The following GINS3 variants were observed in gnomAD, a reference collection of about 807,000 sequenced individuals.
The protein encoded by GINS3 is DNA replication complex GINS protein PSF3.
A neutral mutation model predicts 20.0 loss-of-function variants in GINS3; 18 were observed. The ratio of observed to expected loss-of-function variants is 0.90; its 90% CI spans 0.62 to 1.33. The LOEUF (loss-of-function observed/expected upper bound fraction) is 1.33, where lower values mean the gene tolerates loss of function less well. Among genes scored for constraint, GINS3 ranks in the 40% most tolerant of loss-of-function variants. GINS3 has a pLI of 0.00. For missense variants in GINS3, 254 were observed against 273.6 expected, an observed-to-expected ratio of 0.93 and a Z score of 0.51; for synonymous variants, 109 against 107.0, an observed-to-expected ratio of 1.02 and a Z score of -0.12.
At chr16:58,401,524 T>C (rs909667175) in intron 1 of GINS3, among the ~76,000 whole-genome samples, 9 of 152,194 alleles carry the variant, frequency 5.9e-5, no homozygotes, top group African/African-American at 1.7e-4. Context: ...TACAGAGTGC[T>C]GATTGGTCCG....
intron 1 of GINS3, among the ~76,000 whole-genome samples, chr16:58,400,397 C>G (rs1042336624): frequency 1.3e-5 from 2 of 152,150 alleles, no homozygotes; most frequent in Non-Finnish European, 2.9e-5. Context: ...GACTCAGTCC[C>G]CAGGGTTTTA....
At chr16:58,400,248 A>G (rs774302607) in intron 1 of GINS3, among the ~76,000 whole-genome samples, 121 of 152,370 alleles carry the variant, frequency 7.9e-4, no homozygotes, top group Middle Eastern at 3.4e-3. Context: ...GGTTGCATGG[A>G]GTAAAGTCTG....
chr16:58,399,421 T>A (rs1965926349), intron 1 of GINS3, among the ~76,000 whole-genome samples: 2 of 152,242 alleles, frequency 1.3e-5, no homozygotes, highest in Admixed American at 1.3e-4. Context: ...CCTTTTATTA[T>A]TGTCACGTCT....
At chr16:58,393,235 T>C (rs1965807389) in intron 1 of GINS3, among the ~76,000 whole-genome samples, 1 of 152,152 alleles carries the variant, frequency 6.6e-6, no homozygotes, top group Admixed American at 6.5e-5. Flanking sequence ...TCCTCCATAA[T>C]GATGACAGGA....
At position 58,404,820 on chromosome 16, in the gene GINS3, C is replaced by T; in HGVS notation, c.*91C>T. 2 of 879,046 alleles carry T rather than the reference C, an allele frequency of 2.3e-6. No individual in the cohort carries two copies. Among genetic ancestry groups the T allele is most frequent in the South Asian group, 3.2e-5 (2 of 62,812 alleles). The allele number at this position is 879,046 out of a possible 1,614,324, so 54.5% of individuals were successfully genotyped here. On this transcript the variant is annotated 3_prime_UTR_variant, in exon 3 of 3. Coordinates refer to ENST00000318129, the MANE Select transcript of GINS3 (RefSeq NM_022770.4). ...GTTGACCTTGTACAGAACCAGAATC[C>T]TGTCCCATTTCATGGCTTATTTCCT...
At chr16:58,402,398 A>C (rs1397397986) in intron 1 of GINS3, among the ~76,000 whole-genome samples, 3 of 152,150 alleles carry the variant, frequency 2.0e-5, no homozygotes, top group Non-Finnish European at 4.4e-5. Context: ...AGTCCTGTGC[A>C]GTTTGCCAAA....
intron 1 of GINS3, among the ~76,000 whole-genome samples, chr16:58,400,133 A>G (rs775412675): frequency 3.9e-5 from 6 of 152,236 alleles, no homozygotes; most frequent in African/African-American, 7.2e-5. Context: ...ACCAACCCAG[A>G]TTTGATGATT....
rs114925045 is a variant in GINS3 at position 58,405,119 on chromosome 16, T to C, written c.*390T>C. 696 of 209,196 alleles carry C rather than the reference T, an allele frequency of 3.3e-3. 1 individual carries two copies. The highest frequency in any genetic ancestry group is 0.015 in the African/African-American group (651 of 43,442). The allele number at this position is 209,196 out of a possible 1,614,324, so 13.0% of individuals were successfully genotyped here. On this transcript the variant is annotated 3_prime_UTR_variant, in exon 3 of 3. Coordinates refer to ENST00000318129, the MANE Select transcript of GINS3 (RefSeq NM_022770.4). ...CTAGCCACAAAGCACAGGTACAAAC[T>C]GGGTCATCGCCTGTTCACAAAATGC...
intron 1 of GINS3, among the ~76,000 whole-genome samples, chr16:58,393,200 A>G (rs1468119560): frequency 6.6e-6 from 1 of 152,242 alleles, no homozygotes; most frequent in Non-Finnish European, 1.5e-5. Flanking sequence ...TGTGATAAGT[A>G]GGAACCCCAA....
chr16:58,394,773 C>T (rs1364674378), intron 1 of GINS3, among the ~76,000 whole-genome samples: 1 of 152,148 alleles, frequency 6.6e-6, no homozygotes, highest in East Asian at 1.9e-4. Context: ...ATCAACAGGA[C>T]TTTGTACTGT....
At chr16:58,397,460 G>T (rs1596957791) in intron 1 of GINS3, among the ~76,000 whole-genome samples, 2 of 151,684 alleles carry the variant, frequency 1.3e-5, no homozygotes, top group Admixed American at 1.3e-4. Context: ...GCAGGCAGCT[G>T]GGAGGTGGAG....
chr16:58,403,640 T>G, intron 2 of GINS3: 1 of 336,944 alleles, frequency 3.0e-6, no homozygotes, highest in South Asian at 3.2e-5. Context: ...CTCACACCTG[T>G]AATCCCAGCA....
chr16:58,402,873 T>A (rs1044057750), intron 1 of GINS3: 4 of 564,992 alleles, frequency 7.1e-6, no homozygotes, highest in African/African-American at 5.6e-5. Context: ...TTGTTCACCA[T>A]GTTTTTGTTG....
Position 58,392,802 on chromosome 16 carries a change from G to A in GINS3, c.186+15G>A. ...CGGTCCCACAGGTGAGCCTTTGGGT[G>A]CGGGGTCCTGCCCGGAAAGACTGCA... On this transcript the variant is annotated intron_variant, in intron 1 of 2. Transcript: ENST00000318129. 1 of 1,577,928 alleles carries A rather than the reference G, an allele frequency of 6.3e-7. No homozygotes were observed. Among genetic ancestry groups the A allele is most frequent in the South Asian group, 1.1e-5 (1 of 88,192 alleles).
chr16:58,396,785 G>A (rs113330385), intron 1 of GINS3, among the ~76,000 whole-genome samples: 109 of 111,960 alleles, frequency 9.7e-4, no homozygotes, highest in South Asian at 9.1e-4. Context: ...CCTCCTTCCC[G>A]GACAGGGCGG....
intron 1 of GINS3, among the ~76,000 whole-genome samples, chr16:58,397,542 C>T (rs563302918): frequency 5.9e-5 from 9 of 152,292 alleles, no homozygotes; most frequent in Admixed American, 4.6e-4. Context: ...AACGTGACTC[C>T]GTCTGCCATC....
chr16:58,405,068 T>A lies in GINS3; in HGVS notation c.*339T>A, dbSNP rs1966011778. ...CTGAGATTCCTTGTGTCTGGGAGTT[T>A]GGACAGCTTCAGATGTACAGTTTCA... On this transcript the variant is annotated 3_prime_UTR_variant, in exon 3 of 3. Coordinates refer to ENST00000318129, the MANE Select transcript of GINS3 (RefSeq NM_022770.4). 6 of 256,022 alleles carry A rather than the reference T, an allele frequency of 2.3e-5. 1 individual carries two copies. The South Asian group carries it at 3.4e-4, about 14-fold the overall frequency. The allele number at this position is 256,022 out of a possible 1,614,324, so 15.9% of individuals were successfully genotyped here. A position where few individuals can be genotyped will look rare whatever the true frequency, so the allele number is the denominator to read the frequency against.
Position 58,404,879 on chromosome 16 carries a change from C to T in GINS3, c.*150C>T. The T allele has an allele frequency of 1.6e-6, 1 of 643,452 alleles. No individual in the cohort carries two copies. The highest frequency in any genetic ancestry group is 2.7e-6 in the Non-Finnish European group (1 of 372,168). The allele number at this position is 643,452 out of a possible 1,614,324, so 39.9% of individuals were successfully genotyped here. ...AGAGAATTATAGGGAACTGGACATG[C>T]TGGAGGATGTGGGTGTCCCTGGCTC... On this transcript the variant is annotated 3_prime_UTR_variant, in exon 3 of 3. Transcript: ENST00000318129.
intron 1 of GINS3, among the ~76,000 whole-genome samples, chr16:58,396,576 C>A (rs1298318375): frequency 1.3e-5 from 1 of 74,980 alleles, no homozygotes; most frequent in Non-Finnish European, 2.7e-5. Context: ...TGATCCCCCC[C>A]ACCTCCCTCC....
Sources: gnomAD v4.1 joint callset for allele counts (sites outside exome capture counted in the v4.1 genomes callset) on GRCh38, gnomAD v4.1.1 for gene constraint, MANE v1.5 for transcripts, NCBI Gene and HGNC (gene_info 2026-07-23, HGNC 2026-07-21) for gene names.